RP1L1: variants seen among roughly 807,000 people sequenced by gnomAD.
RP1L1 encodes the protein RP1 like 1, also known as retinitis pigmentosa 1-like 1 protein.
A neutral mutation model predicts 15.7 loss-of-function variants in RP1L1; 27 were observed. The observed-to-expected ratio is 1.72, with a 90% CI of 1.27 to 2.38. RP1L1 has a LOEUF of 2.38. Among genes scored for constraint, RP1L1 ranks in the 30% most tolerant of loss-of-function variants. The probability of loss-of-function intolerance (pLI) is 0.00; values close to 1 mark genes in which losing one functional copy is unlikely to be tolerated. For synonymous variants in RP1L1, 1,813 were observed against 1,276.7 expected (o/e 1.42, Z -8.96); for missense variants, 4,798 against 3,075.9 (o/e 1.56, Z -13.24).
intron 1 of RP1L1, among the ~76,000 whole-genome samples, chr8:10,626,818 G>A (rs543348782): frequency 5.3e-4 from 80 of 152,262 alleles, no homozygotes; most frequent in African/African-American, 1.8e-3. Context: ...GCCACAGCAC[G>A]TCATCAAGTG....
intron 1 of RP1L1, 68 bp from the exon 2 acceptor site, chr8:10,623,288 G>A (rs4532562): frequency 2.5e-6 from 3 of 1,204,900 alleles, no homozygotes; most frequent in African/African-American, 1.5e-5. Context: ...GTCTCTTCCC[G>A]TCTTTCTAGA....
chr8:10,634,167 C>T (rs1171649336), intron 1 of RP1L1, among the ~76,000 whole-genome samples: 3 of 152,162 alleles, frequency 2.0e-5, no homozygotes, highest in East Asian at 1.9e-4. Context: ...CCACACAGCA[C>T]CTGCCACAGG....
In RP1L1 at chr8:10,611,392, G is replaced by T. The variant is rs552814556; in HGVS notation, c.2706C>A (p.Gly902=). 67 of 1,605,266 alleles carry T rather than the reference G, an allele frequency of 4.2e-5. No homozygotes were observed. The South Asian group carries it at 5.9e-4, about 14-fold the overall frequency. The part of the protein sequence containing the change: ...TRQPGPTPSP[G]PNSGASRRSS... ...TTCTCCTTGATGCCCCTGAATTGGG[G>T]CCTGGGGACGGCGTGGGGCCTGGCT... The change falls in exon 4 of 4, where the codon GGC becomes GGA. Residue 902 remains glycine (G), a synonymous_variant. Transcript: ENST00000382483.
At chr8:10,626,675 T>C (rs1585985026) in intron 1 of RP1L1, among the ~76,000 whole-genome samples, 2 of 152,208 alleles carry the variant, frequency 1.3e-5, no homozygotes, top group South Asian at 2.1e-4. Flanking sequence ...AGACACGCCA[T>C]TCATTGCAAA....
At chr8:10,630,644 T>G (rs115951257) in intron 1 of RP1L1, among the ~76,000 whole-genome samples, 2 of 152,186 alleles carry the variant, frequency 1.3e-5, no homozygotes, top group African/African-American at 4.8e-5. Flanking sequence ...GGGCTCTGCC[T>G]CCCTAGATAA....
intron 1 of RP1L1, among the ~76,000 whole-genome samples, chr8:10,646,074 G>C (rs550828674): frequency 1.3e-5 from 2 of 152,296 alleles, no homozygotes; most frequent in African/African-American, 2.4e-5. Context: ...TCCAAACTTA[G>C]AGTCTAAGCT....
chr8:10,613,344 T>A lies in RP1L1; in HGVS notation c.754A>T (p.Ser252Cys). ...SGLTSRNKNG[S>C]WGPKTKPSVI... ...CTCGGCTTGGTCTTTGGCCCCCAGC[T>A]CCCTGGCACGCAGTGAAGAGGAAAA... The change falls in exon 4 of 4, where the codon AGC becomes TGC. Residue 252 changes from serine to cysteine, a missense_variant and splice_region_variant. Transcript: ENST00000382483. 1 of 1,599,652 alleles carries A rather than the reference T, an allele frequency of 6.3e-7. No homozygotes were observed. The highest frequency in any genetic ancestry group is 8.5e-7 in the Non-Finnish European group (1 of 1,179,906).
intron 1 of RP1L1, among the ~76,000 whole-genome samples, chr8:10,631,692 C>T (rs1798255003): frequency 6.6e-6 from 1 of 152,200 alleles, no homozygotes; most frequent in South Asian, 2.1e-4. Flanking sequence ...AGCTGGCTCT[C>T]AGACCGCAAG....
At chr8:10,653,070 G>C (rs1473783104) in intron 1 of RP1L1, among the ~76,000 whole-genome samples, 3 of 152,146 alleles carry the variant, frequency 2.0e-5, no homozygotes, top group East Asian at 3.9e-4. Flanking sequence ...AGCACCTCCA[G>C]CAAGCCACAG....
chr8:10,632,268 C>A (rs1315575841), intron 1 of RP1L1, among the ~76,000 whole-genome samples: 1 of 152,214 alleles, frequency 6.6e-6, no homozygotes, highest in Admixed American at 6.5e-5. Flanking sequence ...GGGCAATACT[C>A]TGTGATCCTA....
chr8:10,621,300 T>C (rs1050769664), intron 2 of RP1L1: 1 of 161,730 alleles, frequency 6.2e-6, no homozygotes, highest in African/African-American at 2.4e-5. Flanking sequence ...TAGCTGATGT[T>C]TATAACAAAG....
intron 1 of RP1L1, among the ~76,000 whole-genome samples, chr8:10,637,598 TA>T (rs892389623): frequency 6.6e-6 from 1 of 151,840 alleles, no homozygotes; most frequent in African/African-American, 2.4e-5. Flanking sequence ...ATAAAATACA[TA>T]AAAAAATTAA....
rs565798813 is a variant in RP1L1, at chr8:10,647,425, C to T, written c.-20+7473G>A. The stretch of plus-strand genomic sequence containing the variant: ...CACATTTCTTGTTATGCAACCATCA[C>T]CCCCATCTGTCTCCAAAACTCTATC... On this transcript the variant is annotated intron_variant, in intron 1 of 3. Transcript: ENST00000382483. Among the ~76,000 whole-genome samples, 205 of 152,202 alleles carry T rather than the reference C, an allele frequency of 1.3e-3. 1 individual carries two copies. The highest frequency in any genetic ancestry group is 4.7e-3 in the African/African-American group (193 of 41,498).
At chr8:10,613,609 A>G (rs1438575764) in intron 3 of RP1L1, among the ~76,000 whole-genome samples, 1 of 141,806 alleles carries the variant, frequency 7.1e-6, no homozygotes, top group Non-Finnish European at 1.5e-5. Context: ...CCAAAAAAAA[A>G]AAAAAAAAAA....
In RP1L1 at chr8:10,612,711, C is replaced by G. The variant is rs771041636; in HGVS notation, c.1387G>C (p.Glu463Gln). The G allele has an allele frequency of 3.7e-6, 6 of 1,604,668 alleles. No homozygotes were observed. The highest frequency in any genetic ancestry group is 4.2e-6 in the Non-Finnish European group (5 of 1,178,790). The change falls in exon 4 of 4, where the codon GAG becomes CAG. Residue 463 changes from glutamate (E) to glutamine (Q), a missense_variant. Coordinates refer to ENST00000382483, the MANE Select transcript of RP1L1 (RefSeq NM_178857.6). ...ASPASSTGLPEGSEPESSCCP... is the reference protein window; with the variant it reads ...ASPASSTGLPQGSEPESSCCP... ...CAGGAGGACTCTGGCTCCGAGCCCTCGGGGAGGCCGGTGCTGGAGGCTGGG... is the reference window on the plus strand; with the variant it reads ...CAGGAGGACTCTGGCTCCGAGCCCTGGGGGAGGCCGGTGCTGGAGGCTGGG...
chr8:10,650,538 C>T (rs866307347), intron 1 of RP1L1, among the ~76,000 whole-genome samples: 2 of 151,282 alleles, frequency 1.3e-5, no homozygotes, highest in South Asian at 2.1e-4. Context: ...GTCATAAGAG[C>T]AAGACTCCGT....
rs1797829071 is a variant in RP1L1, at chr8:10,610,629, G to A, written c.3469C>T (p.Leu1157=). 6.2e-7 allele frequency: 1 copy of A among 1,612,346 alleles called. No homozygotes were observed. Among genetic ancestry groups the A allele is most frequent in the Non-Finnish European group, 8.5e-7 (1 of 1,179,364 alleles). ...YQELLSISKD[L]WPGCDVGEDQ... ...TCCCCAACGTCACATCCTGGCCACA[G>A]GTCCTTCGAGATGCTGAGCAGCTCC... The change falls in exon 4 of 4, where the codon CTG becomes TTG. Residue 1157 remains leucine (L), a synonymous_variant. Coordinates refer to ENST00000382483, the MANE Select transcript of RP1L1 (RefSeq NM_178857.6).
chr8:10,611,411 C>A lies in RP1L1; in HGVS notation c.2687G>T (p.Gly896Val), dbSNP rs774135283. The A allele has an allele frequency of 4.8e-5, 77 of 1,593,630 alleles. No homozygotes were observed. Among genetic ancestry groups the A allele is most frequent in the Non-Finnish European group, 6.4e-5 (75 of 1,172,018 alleles). Residue 896 changes from glycine (G) to valine (V), a missense_variant, in exon 4 of 4, where the codon GGC (glycine) becomes GTC (valine). Physicochemically the swap from Gly to Val is moderately radical, Grantham distance 109 (BLOSUM62 -3). Coordinates refer to ENST00000382483, the MANE Select transcript of RP1L1 (RefSeq NM_178857.6). Reference sequence around the variant, plus strand: ...ATTGGGGCCTGGGGACGGCGTGGGGCCTGGCTGGCGTGTCCCCTCCTGCGG... The same window carrying A: ...ATTGGGGCCTGGGGACGGCGTGGGGACTGGCTGGCGTGTCCCCTCCTGCGG... ...GSPQEGTRQP[G>V]PTPSPGPNSG...
At chr8:10,627,007 A>G (rs1472027872) in intron 1 of RP1L1, among the ~76,000 whole-genome samples, 2 of 152,192 alleles carry the variant, frequency 1.3e-5, no homozygotes, top group African/African-American at 4.8e-5. Context: ...GTTGGCATGG[A>G]TGGGGAGAAG....
Sources: gnomAD v4.1 joint callset for allele counts (sites outside exome capture counted in the v4.1 genomes callset) on GRCh38, gnomAD v4.1.1 for gene constraint, MANE v1.5 for transcripts, NCBI Gene and HGNC (gene_info 2026-07-23, HGNC 2026-07-21) for gene names.